Variants in SGSM1 observed in about 807,000 individuals in gnomAD.
SGSM1 encodes RUN and TBC1 domain containing 2.
Under a neutral mutation model 133.8 loss-of-function variants are expected in SGSM1, and 73 were observed. That is an observed-to-expected ratio of 0.55 (90% CI 0.45 to 0.66). SGSM1 has a LOEUF of 0.66. Among genes scored for constraint, SGSM1 ranks in the 30% least tolerant of loss-of-function variants. The pLI is 0.00. For synonymous variants in SGSM1, 563 were observed against 573.0 expected (o/e 0.98, Z 0.25); for missense variants, 1,213 against 1,448.1 (o/e 0.84, Z 2.64).
At position 24,874,524 on chromosome 22, in the gene SGSM1, G is replaced by A. The variant is rs770745282; in HGVS notation, c.1292-2053G>A. 3.1e-6 allele frequency: 5 copies of A among 1,612,280 alleles called. No individual in the cohort carries two copies. The African/African-American group carries it at 5.3e-5, about 17-fold the overall frequency. Reference sequence around the variant, plus strand: ...TGGTGGCCAGAGGGAGTCAGTGGGAGCCAGCCAGATGGGACACTACTCTCC... The same window carrying A: ...TGGTGGCCAGAGGGAGTCAGTGGGAACCAGCCAGATGGGACACTACTCTCC... On this transcript the variant is annotated intron_variant, in intron 12 of 24. Coordinates refer to ENST00000400358, the MANE Select transcript of SGSM1 (RefSeq NM_001098497.3).
intron 2 of SGSM1, among the ~76,000 whole-genome samples, chr22:24,808,108 T>TC (rs891061519): frequency 2.0e-5 from 3 of 150,738 alleles, no homozygotes; most frequent in Admixed American, 6.6e-5. Context: ...CTTTTTTTTT[T>TC]CTTGGTGTTT....
chr22:24,857,014 C>T (rs1217710651), intron 8 of SGSM1, among the ~76,000 whole-genome samples: 2 of 152,008 alleles, frequency 1.3e-5, no homozygotes, highest in African/African-American at 4.8e-5. Flanking sequence ...GTGATCTGCC[C>T]GCTTTGGCCT....
intron 4 of SGSM1, among the ~76,000 whole-genome samples, chr22:24,848,090 C>T (rs1342199192): frequency 2.0e-5 from 3 of 152,008 alleles, no homozygotes; most frequent in Non-Finnish European, 4.4e-5. Context: ...TTATTTCCCT[C>T]CCCGTTGTTG....
intron 5 of SGSM1, among the ~76,000 whole-genome samples, chr22:24,852,743 G>GT (rs1930555071): frequency 6.6e-6 from 1 of 152,090 alleles, no homozygotes; most frequent in Non-Finnish European, 1.5e-5. Context: ...GTGCCTGGTC[G>GT]TTTTTTATTT....
In SGSM1 at chr22:24,845,959, T is replaced by C. The variant is rs143522352; in HGVS notation, c.139+987T>C. ...TCTTTTCTTTTCTTTCTTTCTTTCT[T>C]TCTTTCTTTCTTTCTTTCTTTCTTT... On this transcript the variant is annotated intron_variant, in intron 3 of 24. Transcript: ENST00000400358. 2.2e-3 allele frequency among the ~76,000 whole-genome samples: 232 copies of C among 105,012 alleles called. 4 individuals carry two copies. The highest frequency in any genetic ancestry group is 7.2e-3 in the African/African-American group (215 of 29,928). The allele number at this position is 105,012 out of a possible 152,430, so 68.9% of individuals were successfully genotyped here.
intron 2 of SGSM1, chr22:24,844,129 T>A (rs1424708552): frequency 3.3e-5 from 5 of 152,258 alleles, no homozygotes; most frequent in African/African-American, 1.2e-4. Context: ...TGCCAGGCAC[T>A]GTTCTAGGCT....
At chr22:24,920,436 C>T (rs938146027) in intron 24 of SGSM1, among the ~76,000 whole-genome samples, 29 of 152,306 alleles carry the variant, frequency 1.9e-4, no homozygotes, top group African/African-American at 7.0e-4. Context: ...AATTCTGATC[C>T]AGGCTCCTGG....
chr22:24,856,800 G>A lies in SGSM1; in HGVS notation c.801+1120G>A, dbSNP rs540387132. The stretch of plus-strand genomic sequence containing the variant: ...TTTTTTTTTTCTGAGACAGAGTCTC[G>A]CTCTATTGCCCAGGCTGGCATGCAG... On this transcript the variant is annotated intron_variant, in intron 8 of 24. Coordinates refer to ENST00000400358, the MANE Select transcript of SGSM1 (RefSeq NM_001098497.3). 3.2e-3 allele frequency among the ~76,000 whole-genome samples: 460 copies of A among 143,892 alleles called. 4 individuals are homozygous for A. Among genetic ancestry groups the A allele is most frequent in the African/African-American group, 0.011 (444 of 39,100 alleles). 94.4% of individuals were successfully genotyped at this position (143,892 alleles called of 152,430 possible). A position where few individuals can be genotyped will look rare whatever the true frequency, so the allele number is the denominator to read the frequency against.
intron 21 of SGSM1, among the ~76,000 whole-genome samples, chr22:24,908,751 G>A (rs558817974): frequency 2.7e-5 from 4 of 150,900 alleles, no homozygotes; most frequent in African/African-American, 4.9e-5. Context: ...GCAGTGAGCC[G>A]AGATCGCGCC....
At chr22:24,892,308 T>C (rs1450327547) in intron 16 of SGSM1, among the ~76,000 whole-genome samples, 1 of 151,974 alleles carries the variant, frequency 6.6e-6, no homozygotes, top group Non-Finnish European at 1.5e-5. Context: ...CCCCACCCTC[T>C]CTTTTCCCAT....
chr22:24,877,003 GCT>G (rs1419459448), intron 13 of SGSM1, among the ~76,000 whole-genome samples: 16 of 152,202 alleles, frequency 1.1e-4, no homozygotes. Context: ...TCAGCTGGTG[GCT>G]GTTTTTTCCA....
chr22:24,806,577 C>CCCCCCCCGCCGCCAGA, intron 2 of SGSM1, 93 bp downstream of exon 2: 1 of 1,402,286 alleles, frequency 7.1e-7, no homozygotes, highest in Non-Finnish European at 9.4e-7. Flanking sequence ...CCTCTGGCGG[C>CCCCCCCCGCCGCCAGA]GGGGGGGCGG....
intron 5 of SGSM1, 34 bp downstream of exon 5, chr22:24,850,466 C>T (rs760016913): frequency 1.3e-6 from 2 of 1,599,208 alleles, no homozygotes; most frequent in East Asian, 2.2e-5. Flanking sequence ...TGGCCATGCT[C>T]TGCCCCCACC....
intron 2 of SGSM1, among the ~76,000 whole-genome samples, chr22:24,837,501 C>T (rs189054003): frequency 0.023 from 3,524 of 151,574 alleles, 155 homozygotes; most frequent in African/African-American, 0.082. Flanking sequence ...TAACTGCGGG[C>T]GAGCCTGACT....
At chr22:24,892,492 G>GGAAGGGC (rs1932831703) in intron 16 of SGSM1, among the ~76,000 whole-genome samples, 1 of 152,174 alleles carries the variant, frequency 6.6e-6, no homozygotes, top group Non-Finnish European at 1.5e-5. Flanking sequence ...TAAGGCCATT[G>GGAAGGGC]CTGTAAGGAA....
chr22:24,811,180 G>A (rs1298484251), intron 2 of SGSM1, among the ~76,000 whole-genome samples: 1 of 152,016 alleles, frequency 6.6e-6, no homozygotes, highest in Admixed American at 6.5e-5. Flanking sequence ...AAGAGGCCAG[G>A]GATGCTGCTC....
intron 16 of SGSM1, among the ~76,000 whole-genome samples, chr22:24,891,870 G>A (rs545048214): frequency 7.2e-5 from 11 of 152,222 alleles, no homozygotes; most frequent in African/African-American, 2.6e-4. Context: ...AGAGAAGACA[G>A]CACAGGCAGA....
intron 12 of SGSM1, among the ~76,000 whole-genome samples, chr22:24,876,026 G>A (rs1365309332): frequency 1.3e-5 from 2 of 152,220 alleles, no homozygotes; most frequent in Admixed American, 6.5e-5. Context: ...CTTCCCACGT[G>A]ATTTTAGGGA....
chr22:24,860,927 A>ATG (rs1931112361), intron 9 of SGSM1, among the ~76,000 whole-genome samples: 1 of 103,474 alleles, frequency 9.7e-6, no homozygotes, highest in Non-Finnish European at 2.0e-5. Flanking sequence ...AAAAAAATAT[A>ATG]TATATATATA....
Sources: allele counts gnomAD v4.1 joint callset (sites outside exome capture counted in the v4.1 genomes callset), GRCh38; gene constraint gnomAD v4.1.1; transcripts MANE v1.5; gene names NCBI Gene and HGNC (gene_info 2026-07-23, HGNC 2026-07-21).